Variants in CCSER1 observed in about 807,000 individuals in gnomAD.
CCSER1 encodes the protein coiled-coil serine rich protein 1, also known as serine-rich coiled-coil domain-containing protein 1.
CCSER1 carries 41 observed loss-of-function variants against 82.0 expected under a neutral mutation model. The observed-to-expected ratio is 0.50, with a 90% confidence interval of 0.39 to 0.65. The LOEUF (loss-of-function observed/expected upper bound fraction) is 0.65, where lower values mean the gene tolerates loss of function less well. CCSER1 is among the 30% of genes least tolerant of loss of function. The probability of loss-of-function intolerance (pLI) is 0.00; values close to 1 mark genes in which losing one functional copy is unlikely to be tolerated. For synonymous variants in CCSER1, 414 were observed against 383.9 expected, an observed-to-expected ratio of 1.08 and a Z score of -0.92; for missense variants, 1,119 against 1,064.2, an observed-to-expected ratio of 1.05 and a Z score of -0.72.
intron 10 of CCSER1, among the ~76,000 whole-genome samples, chr4:91,242,129 A>G (rs780370890): frequency 6.6e-6 from 1 of 152,126 alleles, no homozygotes; most frequent in Non-Finnish European, 1.5e-5. Flanking sequence ...AAAATTTAAC[A>G]TGAAACCAGA....
At position 91,006,285 on chromosome 4, in the gene CCSER1, A is replaced by T. The variant is rs1217406740; in HGVS notation, c.2173-79665A>T. Among the ~76,000 whole-genome samples the T allele has an allele frequency of 4.6e-5, 7 of 150,668 alleles. No homozygotes were observed. The East Asian group carries it at 5.9e-4, about 13-fold the overall frequency. On this transcript the variant is annotated intron_variant, in intron 9 of 10. Coordinates refer to ENST00000509176, the MANE Select transcript of CCSER1 (RefSeq NM_001145065.2). ...TTTTTTTGTAGCTATTATAAATGAG[A>T]TTTTTTTTGTGTGCTATCAGCATAT...
intron 3 of CCSER1, among the ~76,000 whole-genome samples, chr4:90,399,452 CAAGCATGGTCTA>C (rs1362731691): frequency 6.6e-6 from 1 of 151,988 alleles, no homozygotes; most frequent in East Asian, 1.9e-4. Context: ...TTTTCACTTC[CAAGCATGGTCTA>C]AATTAATATT....
At chr4:90,870,020 A>C (rs546788991) in intron 8 of CCSER1, among the ~76,000 whole-genome samples, 2 of 152,102 alleles carry the variant, frequency 1.3e-5, no homozygotes, top group Admixed American at 6.6e-5. Context: ...AGCATCAAGA[A>C]ATGCACAGAT....
At chr4:90,589,748 T>C (rs559658451) in intron 5 of CCSER1, among the ~76,000 whole-genome samples, 1 of 152,290 alleles carries the variant, frequency 6.6e-6, no homozygotes, top group Non-Finnish European at 1.5e-5. Flanking sequence ...TTGTTTACTT[T>C]TGCAGAAGGT....
intron 1 of CCSER1, among the ~76,000 whole-genome samples, chr4:90,231,000 A>G (rs1358402901): frequency 6.6e-6 from 1 of 152,148 alleles, no homozygotes; most frequent in Non-Finnish European, 1.5e-5. Context: ...AACCAAAAAG[A>G]GTCCAGGAAC....
chr4:90,261,952 T>C (rs1724401262), intron 1 of CCSER1, among the ~76,000 whole-genome samples: 1 of 152,134 alleles, frequency 6.6e-6, no homozygotes, highest in African/African-American at 2.4e-5. Flanking sequence ...TTCTGATTGG[T>C]TTTTCTTTAA....
chr4:90,153,974 C>A (rs1241925959), intron 1 of CCSER1, among the ~76,000 whole-genome samples: 2 of 152,076 alleles, frequency 1.3e-5, no homozygotes. Flanking sequence ...CTGAATGGTA[C>A]TGCCTAGGTT....
In CCSER1 at chr4:90,689,774, A is replaced by C. The variant is rs922398708; in HGVS notation, c.1933-34140A>C. 3.9e-5 allele frequency among the ~76,000 whole-genome samples: 6 copies of C among 152,114 alleles called. No individual in the cohort carries two copies. In the East Asian group the frequency reaches 5.8e-4, roughly 15 times the overall value. On this transcript the variant is annotated intron_variant, in intron 6 of 10. Coordinates refer to ENST00000509176, the MANE Select transcript of CCSER1 (RefSeq NM_001145065.2). ...GGAGAGAATTCAGTGGAAGTTTCAG[A>C]CATAGCCTGATTCTGTGGGAAGCTC...
At chr4:90,458,939 A>G (rs1236937879) in intron 4 of CCSER1, among the ~76,000 whole-genome samples, 1 of 152,156 alleles carries the variant, frequency 6.6e-6, no homozygotes, top group Admixed American at 6.5e-5. Context: ...ATGCCGATAA[A>G]GTTTTTAATA....
chr4:91,472,327 A>G (rs1224372864), intron 10 of CCSER1, among the ~76,000 whole-genome samples: 1 of 152,204 alleles, frequency 6.6e-6, no homozygotes, highest in Non-Finnish European at 1.5e-5. Context: ...CTTGGCTGGA[A>G]TTCATATTAA....
chr4:91,108,392 T>C (rs1183011861), intron 10 of CCSER1, among the ~76,000 whole-genome samples: 1 of 152,210 alleles, frequency 6.6e-6, no homozygotes, highest in Non-Finnish European at 1.5e-5. Flanking sequence ...AGAGAAAATA[T>C]ATGGCTTATT....
chr4:91,345,426 C>T (rs1747990384), intron 10 of CCSER1, among the ~76,000 whole-genome samples: 1 of 151,910 alleles, frequency 6.6e-6, no homozygotes, highest in Non-Finnish European at 1.5e-5. Context: ...ACTCTATGAG[C>T]AATATGATCA....
At chr4:91,274,221 T>C (rs1014949796) in intron 10 of CCSER1, among the ~76,000 whole-genome samples, 2 of 152,220 alleles carry the variant, frequency 1.3e-5, no homozygotes, top group East Asian at 1.9e-4. Context: ...TTTTTACATA[T>C]GTATGGGGTA....
chr4:90,141,837 A>G (rs1178722040), intron 1 of CCSER1, among the ~76,000 whole-genome samples: 4 of 152,240 alleles, frequency 2.6e-5, no homozygotes, highest in African/African-American at 9.6e-5. Context: ...GTAAAATAGG[A>G]TCCTGAAAGG....
At chr4:90,364,674 G>T (rs1745957041) in intron 3 of CCSER1, among the ~76,000 whole-genome samples, 1 of 151,794 alleles carries the variant, frequency 6.6e-6, no homozygotes, top group South Asian at 2.1e-4. Flanking sequence ...TTCACAAGTT[G>T]GGGAATATTA....
At chr4:90,902,983 T>A (rs573657140) in intron 8 of CCSER1, among the ~76,000 whole-genome samples, 2 of 152,144 alleles carry the variant, frequency 1.3e-5, no homozygotes, top group South Asian at 4.2e-4. Context: ...ACATGTTCAT[T>A]TATATAGACT....
At chr4:91,085,784 A>G (rs572039863) in intron 9 of CCSER1, among the ~76,000 whole-genome samples, 166 bp from the exon 10 acceptor site, 1 of 152,252 alleles carries the variant, frequency 6.6e-6, no homozygotes, top group Non-Finnish European at 1.5e-5. Flanking sequence ...TTACTTAGCT[A>G]CACACACATA....
At chr4:90,352,987 C>A (rs1452799892) in intron 3 of CCSER1, among the ~76,000 whole-genome samples, 6 of 119,172 alleles carry the variant, frequency 5.0e-5, no homozygotes. Flanking sequence ...ATTTTAGGAA[C>A]TGAGGAAATA....
chr4:91,489,611 C>T (rs1758404810), intron 10 of CCSER1, among the ~76,000 whole-genome samples: 1 of 152,002 alleles, frequency 6.6e-6, no homozygotes, highest in African/African-American at 2.4e-5. Context: ...TAGAGACCAG[C>T]CTGACCAACA....
Sources: allele counts gnomAD v4.1 joint callset (sites outside exome capture counted in the v4.1 genomes callset), GRCh38; gene constraint gnomAD v4.1.1; transcripts MANE v1.5; gene names NCBI Gene and HGNC (gene_info 2026-07-23, HGNC 2026-07-21).